Variants in SUPT3H observed in about 807,000 individuals in gnomAD.
The protein encoded by SUPT3H is SPT3 homolog, SAGA and STAGA complex component.
In SUPT3H, 44 loss-of-function variants were observed where a neutral mutation model predicts 44.3. The observed-to-expected ratio is 0.99, with a 90% CI of 0.78 to 1.28. The LOEUF (loss-of-function observed/expected upper bound fraction) is 1.28. Ranked by LOEUF, SUPT3H falls within the 50% of genes most tolerant of loss-of-function variation. The pLI is 0.00. For synonymous variants in SUPT3H, 124 were observed against 125.6 expected (o/e 0.99, Z 0.09); for missense variants, 380 against 387.1 (o/e 0.98, Z 0.15).
chr6:44,857,107 T>C (rs918013429), intron 10 of SUPT3H, among the ~76,000 whole-genome samples: 12 of 151,436 alleles, frequency 7.9e-5, no homozygotes, highest in Non-Finnish European at 1.8e-4. Context: ...AAAATTCAGA[T>C]TTTCAATAGT....
chr6:45,373,550 T>C (rs1796381857), intron 1 of SUPT3H, among the ~76,000 whole-genome samples: 1 of 152,000 alleles, frequency 6.6e-6, no homozygotes. Flanking sequence ...ATTATTTGTG[T>C]GTGTGTGTGT....
chr6:44,888,416 C>T (rs1002592893), intron 10 of SUPT3H, among the ~76,000 whole-genome samples: 34 of 152,222 alleles, frequency 2.2e-4, no homozygotes, highest in African/African-American at 7.5e-4. Flanking sequence ...GCTTATCCAC[C>T]ATGATCAAGT....
intron 3 of SUPT3H, among the ~76,000 whole-genome samples, chr6:45,050,754 T>G (rs1280254825): frequency 1.3e-5 from 2 of 152,142 alleles, no homozygotes; most frequent in East Asian, 3.8e-4. Flanking sequence ...TTCAAATACT[T>G]AGAAACTTGA....
intron 2 of SUPT3H, among the ~76,000 whole-genome samples, chr6:45,318,186 G>A (rs1288510296): frequency 6.6e-6 from 1 of 152,030 alleles, no homozygotes; most frequent in Non-Finnish European, 1.5e-5. Flanking sequence ...TATGTTATAT[G>A]TATTTAACCA....
chr6:45,204,920 CT>C (rs538947358), intron 2 of SUPT3H, among the ~76,000 whole-genome samples: 62 of 152,264 alleles, frequency 4.1e-4, no homozygotes, highest in Non-Finnish European at 4.9e-4. Flanking sequence ...CTTCTTATTC[CT>C]GAAATTACTA....
intron 3 of SUPT3H, among the ~76,000 whole-genome samples, chr6:45,032,480 C>T (rs1448693140): frequency 1.3e-5 from 2 of 152,112 alleles, no homozygotes; most frequent in Non-Finnish European, 2.9e-5. Context: ...GAAGTTAAGA[C>T]AGCAATGTAT....
At chr6:45,296,330 G>A (rs777703944) in intron 2 of SUPT3H, among the ~76,000 whole-genome samples, 3 of 151,788 alleles carry the variant, frequency 2.0e-5, no homozygotes, top group Non-Finnish European at 4.4e-5. Context: ...ACCAAACATC[G>A]TTATTTTCTC....
chr6:45,115,490 A>C (rs1486958206), intron 2 of SUPT3H, among the ~76,000 whole-genome samples: 1 of 152,202 alleles, frequency 6.6e-6, no homozygotes, highest in Non-Finnish European at 1.5e-5. Context: ...TTCTGAAGAA[A>C]AGAAACTCTT....
At chr6:44,972,273 G>A (rs1293809909) in intron 6 of SUPT3H, among the ~76,000 whole-genome samples, 1 of 152,080 alleles carries the variant, frequency 6.6e-6, no homozygotes, top group African/African-American at 2.4e-5. Flanking sequence ...AAAATGAAGG[G>A]GTTACAGGCC....
intron 2 of SUPT3H, among the ~76,000 whole-genome samples, chr6:45,237,104 G>A (rs1193494218): frequency 2.0e-5 from 3 of 152,136 alleles, no homozygotes; most frequent in Non-Finnish European, 4.4e-5. Context: ...GAAACTAAAC[G>A]AATAGGAGGA....
chr6:45,016,717 C>T (rs909321706), intron 4 of SUPT3H, among the ~76,000 whole-genome samples: 17 of 151,928 alleles, frequency 1.1e-4, no homozygotes, highest in African/African-American at 3.1e-4. Context: ...TGTATATGTG[C>T]CACATTTTCT....
chr6:44,826,419 A>T (rs79580246), downstream of SUPT3H, among the ~76,000 whole-genome samples: 1,270 of 152,352 alleles, frequency 8.3e-3, 5 homozygotes, highest in Non-Finnish European at 0.011. Flanking sequence ...CACTGCTATG[A>T]CATATTCAAC....
intron 3 of SUPT3H, among the ~76,000 whole-genome samples, chr6:45,058,856 T>C (rs1328272010): frequency 6.6e-6 from 1 of 152,116 alleles, no homozygotes; most frequent in African/African-American, 2.4e-5. Flanking sequence ...TACCCATCTT[T>C]CCATGTGAAA....
At chr6:44,834,491 T>C (rs939330384) in intron 10 of SUPT3H, among the ~76,000 whole-genome samples, 4 of 152,094 alleles carry the variant, frequency 2.6e-5, no homozygotes, top group Non-Finnish European at 5.9e-5. Flanking sequence ...TTTAATACTA[T>C]AGTGAAAAAG....
At chr6:44,953,974 G>A (rs1036137801) in intron 8 of SUPT3H, among the ~76,000 whole-genome samples, 1 of 152,044 alleles carries the variant, frequency 6.6e-6, no homozygotes, top group African/African-American at 2.4e-5. Flanking sequence ...CTGACTGCAG[G>A]TGATCCACCC....
chr6:45,128,557 T>TATATATATATATATATATAC (rs1280920129), intron 2 of SUPT3H, among the ~76,000 whole-genome samples: 1 of 56,734 alleles, frequency 1.8e-5, no homozygotes, highest in Non-Finnish European at 3.1e-5. Flanking sequence ...TATATATATA[T>TATATATATATATATATATAC]ACACACACAC....
intron 10 of SUPT3H, among the ~76,000 whole-genome samples, chr6:44,881,598 C>T (rs2153435019): frequency 6.6e-6 from 1 of 152,278 alleles, no homozygotes; most frequent in African/African-American, 2.4e-5. Context: ...CTTCTCAGCA[C>T]CACATTGCAC....
chr6:44,867,910 T>C (rs960352369), intron 10 of SUPT3H, among the ~76,000 whole-genome samples: 1 of 152,174 alleles, frequency 6.6e-6, no homozygotes, highest in Non-Finnish European at 1.5e-5. Flanking sequence ...AACTTTGATT[T>C]TCCTCCTCCT....
At chr6:45,322,246 A>G (rs1015994671) in intron 2 of SUPT3H, among the ~76,000 whole-genome samples, 18 of 151,974 alleles carry the variant, frequency 1.2e-4, no homozygotes, top group Non-Finnish European at 2.5e-4. Flanking sequence ...AATAACACGT[A>G]TATTATGCCT....
Sources: allele counts gnomAD v4.1 joint callset (sites outside exome capture counted in the v4.1 genomes callset), GRCh38; gene constraint gnomAD v4.1.1; transcripts MANE v1.5; gene names NCBI Gene and HGNC (gene_info 2026-07-23, HGNC 2026-07-21).